Variants in CCBE1 observed in about 807,000 individuals in gnomAD.
CCBE1 encodes collagen and calcium-binding EGF domain-containing protein 1.
In CCBE1, 37 loss-of-function variants were observed where a neutral mutation model predicts 50.0. The ratio of observed to expected loss-of-function variants is 0.74; its 90% CI spans 0.57 to 0.97. CCBE1 has a LOEUF of 0.97. Among genes scored for constraint, CCBE1 ranks in the 50% least tolerant of loss-of-function variants. CCBE1 has a pLI of 0.00. For missense variants in CCBE1, 538 were observed against 523.8 expected, an observed-to-expected ratio of 1.03 and a Z score of -0.26; for synonymous variants, 234 against 203.7, an observed-to-expected ratio of 1.15 and a Z score of -1.27.
intron 9 of CCBE1, among the ~76,000 whole-genome samples, chr18:59,438,800 G>A (rs937807238): frequency 9.2e-5 from 14 of 152,174 alleles, no homozygotes; most frequent in African/African-American, 3.1e-4. Flanking sequence ...GCAAAATGGG[G>A]TTGGTAAACA....
intron 2 of CCBE1, among the ~76,000 whole-genome samples, chr18:59,488,526 A>T (rs632248): frequency 6.6e-6 from 1 of 152,038 alleles, no homozygotes; most frequent in Non-Finnish European, 1.5e-5. Context: ...GGTAACAACC[A>T]GAAGGTACTC....
intron 2 of CCBE1, among the ~76,000 whole-genome samples, chr18:59,522,279 C>T (rs546799227): frequency 6.6e-6 from 1 of 152,160 alleles, no homozygotes; most frequent in Non-Finnish European, 1.5e-5. Context: ...GAAATGACAA[C>T]ATTAAGTGAA....
intron 2 of CCBE1, among the ~76,000 whole-genome samples, chr18:59,673,604 A>G (rs568818138): frequency 7.3e-4 from 111 of 152,362 alleles, no homozygotes; most frequent in African/African-American, 2.6e-3. Context: ...TATTATTTTG[A>G]CATACATTCC....
intron 2 of CCBE1, among the ~76,000 whole-genome samples, chr18:59,504,940 G>A (rs1913800397): frequency 6.6e-6 from 1 of 152,030 alleles, no homozygotes; most frequent in South Asian, 2.1e-4. Context: ...ACTGCCATGG[G>A]AGGCAAAAAA....
chr18:59,541,104 G>A (rs1436952000), intron 2 of CCBE1, among the ~76,000 whole-genome samples: 3 of 152,104 alleles, frequency 2.0e-5, no homozygotes, highest in South Asian at 2.1e-4. Context: ...GTCATTAATC[G>A]GTTAGAGTAG....
chr18:59,633,506 C>G (rs1217789213), intron 2 of CCBE1, among the ~76,000 whole-genome samples: 1 of 152,182 alleles, frequency 6.6e-6, no homozygotes, highest in Non-Finnish European at 1.5e-5. Context: ...GGGCCCATGC[C>G]GAGAACAGAA....
At chr18:59,639,570 T>A (rs8082932) in intron 2 of CCBE1, among the ~76,000 whole-genome samples, 5 of 151,998 alleles carry the variant, frequency 3.3e-5, no homozygotes, top group Non-Finnish European at 7.4e-5. Flanking sequence ...AGCATTCCCC[T>A]TGAAAACTGG....
chr18:59,662,615 C>A (rs1276851002), intron 2 of CCBE1, among the ~76,000 whole-genome samples: 1 of 152,062 alleles, frequency 6.6e-6, no homozygotes, highest in Non-Finnish European at 1.5e-5. Context: ...ATGTAGAAGC[C>A]ACAGGAATGC....
At chr18:59,656,125 T>C (rs2054185952) in intron 2 of CCBE1, among the ~76,000 whole-genome samples, 1 of 152,212 alleles carries the variant, frequency 6.6e-6, no homozygotes, top group Non-Finnish European at 1.5e-5. Context: ...AAAAGCCTCA[T>C]GATTACTCCC....
At chr18:59,615,467 T>C (rs956469063) in intron 2 of CCBE1, among the ~76,000 whole-genome samples, 6 of 151,778 alleles carry the variant, frequency 4.0e-5, no homozygotes, top group African/African-American at 1.5e-4. Flanking sequence ...CATCTGCCTT[T>C]TCCTGGTCAA....
chr18:59,457,734 C>T (rs527878483), intron 5 of CCBE1, among the ~76,000 whole-genome samples: 41 of 152,288 alleles, frequency 2.7e-4, no homozygotes, highest in Admixed American at 2.2e-3. Flanking sequence ...TGGAGTTGTC[C>T]TGAAATTAAG....
chr18:59,690,158 C>T (rs987646293), intron 2 of CCBE1, among the ~76,000 whole-genome samples: 2 of 152,120 alleles, frequency 1.3e-5, no homozygotes, highest in Non-Finnish European at 2.9e-5. Context: ...TTCTAAATGT[C>T]TAGAACAGTG....
chr18:59,573,602 T>G lies in CCBE1; in HGVS notation c.213-93364A>C, dbSNP rs1419156505. Among the ~76,000 whole-genome samples the G allele has an allele frequency of 3.3e-5, 5 of 151,976 alleles. No homozygotes were observed. The East Asian group carries it at 9.6e-4, about 29-fold the overall frequency. On this transcript the variant is annotated intron_variant, in intron 2 of 10. Coordinates refer to ENST00000439986, the MANE Select transcript of CCBE1 (RefSeq NM_133459.4). Reference sequence around the variant, plus strand: ...TTTTTAACCCAGAGTCTCCAAGACATTCACACTCTTTTCTCACCATTTTAG... The same window carrying G: ...TTTTTAACCCAGAGTCTCCAAGACAGTCACACTCTTTTCTCACCATTTTAG...
intron 2 of CCBE1, among the ~76,000 whole-genome samples, chr18:59,590,424 C>T (rs2053246007): frequency 6.6e-6 from 1 of 152,150 alleles, no homozygotes; most frequent in African/African-American, 2.4e-5. Flanking sequence ...CTAGATGACT[C>T]AGTAAGGATC....
intron 2 of CCBE1, among the ~76,000 whole-genome samples, chr18:59,543,274 G>A (rs905454065): frequency 2.6e-5 from 4 of 152,144 alleles, no homozygotes; most frequent in South Asian, 2.1e-4. Flanking sequence ...TCCTGCTAAC[G>A]AATCTAGAAT....
At position 59,431,098 on chromosome 18, in the gene CCBE1, TAA is replaced by T. The variant is rs2143584947; in HGVS notation, c.*4808_*4809del. On this transcript the variant is annotated 3_prime_UTR_variant, in exon 11 of 11. Transcript: ENST00000439986. ...CAGTATATGACTAGTCACTGTGAAA[TAA>T]AAACAGACCCACGGCACACATGAAA... The T allele has an allele frequency of 6.6e-6, 1 of 152,310 alleles. No individual in the cohort carries two copies. Among genetic ancestry groups the T allele is most frequent in the Non-Finnish European group, 1.5e-5 (1 of 68,030 alleles). 9.4% of individuals were successfully genotyped at this position (152,310 alleles called of 1,614,324 possible). A position where few individuals can be genotyped will look rare whatever the true frequency, so the allele number is the denominator to read the frequency against.
chr18:59,637,524 T>A (rs946616732), intron 2 of CCBE1, among the ~76,000 whole-genome samples: 1 of 151,878 alleles, frequency 6.6e-6, no homozygotes, highest in Admixed American at 6.6e-5. Flanking sequence ...AGAAGTAGCA[T>A]AAAGAAAGCT....
intron 2 of CCBE1, among the ~76,000 whole-genome samples, chr18:59,684,892 G>A (rs1448752703): frequency 1.3e-5 from 2 of 152,114 alleles, no homozygotes; most frequent in African/African-American, 4.8e-5. Flanking sequence ...TGGGGTGGAG[G>A]GTGAGGGGTT....
intron 2 of CCBE1, among the ~76,000 whole-genome samples, chr18:59,561,292 C>T (rs2052734298): frequency 6.6e-6 from 1 of 152,042 alleles, no homozygotes; most frequent in Non-Finnish European, 1.5e-5. Context: ...ATATGTCAAG[C>T]CTATGTGTAT....
Sources: allele counts gnomAD v4.1 joint callset (sites outside exome capture counted in the v4.1 genomes callset), GRCh38; gene constraint gnomAD v4.1.1; transcripts MANE v1.5; gene names NCBI Gene and HGNC (gene_info 2026-07-23, HGNC 2026-07-21).